CLDN11: variants seen among roughly 807,000 people sequenced by gnomAD.
CLDN11 encodes the protein claudin 11.
Under a neutral mutation model 18.0 loss-of-function variants are expected in CLDN11, and 1 was observed. That is an observed-to-expected ratio of 0.06 (90% CI 0.02 to 0.26). The LOEUF (loss-of-function observed/expected upper bound fraction) is 0.26, where lower values mean the gene tolerates loss of function less well. Ranked by LOEUF, CLDN11 falls within the 10% of genes least tolerant of loss-of-function variation. The pLI is 1.00. For synonymous variants in CLDN11, 116 were observed against 121.5 expected (o/e 0.96, Z 0.30); for missense variants, 172 against 276.6 (o/e 0.62, Z 2.68).
chr3:170,419,234 C>A lies in CLDN11; in HGVS notation c.168C>A (p.Cys56Ter). The change falls in exon 1 of 3, where the codon TGC becomes TGA. Residue 56 changes from cysteine to a stop codon, truncating the protein, a stop_gained. Coordinates refer to ENST00000064724, the MANE Select transcript of CLDN11 (RefSeq NM_005602.6). LOFTEE classifies it high-confidence loss of function. This position sits in a 1 kb window ranked among gnomAD's most constrained non-coding sequence, Gnocchi z 8.6. The part of the protein sequence containing the change: ...ELGSKGLWAD[C>*]VMATGLYHCK... ...GCTCCAAGGGGCTGTGGGCCGACTG[C>A]GTCATGGCCACGGGGCTGTACCACT... 6.3e-7 allele frequency: 1 copy of A among 1,576,404 alleles called. No individual in the cohort carries two copies.
intron 2 of CLDN11, among the ~76,000 whole-genome samples, chr3:170,426,284 T>G (rs893571377): frequency 3.3e-5 from 5 of 152,248 alleles, no homozygotes; most frequent in African/African-American, 1.2e-4. Flanking sequence ...CAACTTTATC[T>G]TCTCAGCAGT....
chr3:170,420,836 G>A (rs917630119), intron 1 of CLDN11, among the ~76,000 whole-genome samples: 1 of 152,060 alleles, frequency 6.6e-6, no homozygotes, highest in Admixed American at 6.6e-5. Context: ...GGGTGAGGGG[G>A]GACAAATTGC....
At chr3:170,426,990 C>G (rs964346065) in intron 2 of CLDN11, among the ~76,000 whole-genome samples, 2 of 152,118 alleles carry the variant, frequency 1.3e-5, no homozygotes, top group African/African-American at 4.8e-5. Context: ...CCATATTGGG[C>G]AGGCTGGTCT....
At chr3:170,423,364 G>A (rs766326649) in intron 2 of CLDN11, 37 bp downstream of exon 2, 2 of 1,598,424 alleles carry the variant, frequency 1.3e-6, no homozygotes, top group South Asian at 1.1e-5. Context: ...TACCTATGAG[G>A]GAGCCTGATG....
At chr3:170,426,599 T>C (rs1281668103) in intron 2 of CLDN11, among the ~76,000 whole-genome samples, 1 of 152,190 alleles carries the variant, frequency 6.6e-6, no homozygotes, top group African/African-American at 2.4e-5. Flanking sequence ...ATGGGAACAA[T>C]AACGCCTGCT....
At position 170,419,691 on chromosome 3, in the gene CLDN11, C is replaced by T. The variant is rs578134710; in HGVS notation, c.226+399C>T. Among the ~76,000 whole-genome samples, 2 of 152,336 alleles carry T rather than the reference C, an allele frequency of 1.3e-5. No homozygotes were observed. The highest frequency in any genetic ancestry group is 4.1e-4 in the South Asian group (2 of 4,830). On this transcript the variant is annotated intron_variant, in intron 1 of 2. Transcript: ENST00000064724. This position sits in a 1 kb window ranked among gnomAD's most constrained non-coding sequence, Gnocchi z 8.6. ...GGGCGCCGAGCCTTCGCGTTAGGTT[C>T]CGCCCGCAGAGGTGAGAAGGAGCGT... is the stretch of plus-strand genomic sequence containing the variant.
chr3:170,425,765 C>T (rs555747785), intron 2 of CLDN11, among the ~76,000 whole-genome samples: 27 of 152,266 alleles, frequency 1.8e-4, no homozygotes, highest in African/African-American at 6.0e-4. Flanking sequence ...CTTGCATTTC[C>T]GATATTGTCT....
rs564253337 is a variant in CLDN11 at position 170,432,533 on chromosome 3, C to T, written c.401C>T (p.Ala134Val). The change falls in exon 3 of 3, where the codon GCC becomes GTC. Residue 134 changes from alanine to valine, a missense_variant. Ala to Val is a moderately conservative substitution (Grantham distance 64). Transcript: ENST00000064724. Reference protein sequence around the residue: ...GVLLILLALCALVATIWFPVC... With the variant: ...GVLLILLALCVLVATIWFPVC... ...CTCCATGTCTCTCCAGCTCTCTGCG[C>T]CCTTGTTGCCACCATCTGGTTCCCT... The T allele has an allele frequency of 1.2e-6, 2 of 1,612,876 alleles. No homozygotes were observed. The highest frequency in any genetic ancestry group is 1.3e-5 in the African/African-American group (1 of 75,028).
At chr3:170,427,076 A>C (rs1461883151) in intron 2 of CLDN11, among the ~76,000 whole-genome samples, 1 of 152,140 alleles carries the variant, frequency 6.6e-6, no homozygotes, top group African/African-American at 2.4e-5. Flanking sequence ...AAAATATCAG[A>C]CCTATATAAA....
intron 2 of CLDN11, among the ~76,000 whole-genome samples, chr3:170,425,045 C>T (rs1249870739): frequency 6.6e-6 from 1 of 152,114 alleles, no homozygotes; most frequent in African/African-American, 2.4e-5. Context: ...TGTGTGCCAG[C>T]GTCACACGGA....
Position 170,419,985 on chromosome 3 carries a change from C to T in CLDN11, c.226+693C>T, listed in dbSNP as rs1383032854. 6.6e-6 allele frequency among the ~76,000 whole-genome samples: 1 copy of T among 152,248 alleles called. No individual in the cohort carries two copies. The highest frequency in any genetic ancestry group is 1.5e-5 in the Non-Finnish European group (1 of 68,036). Reference sequence around the variant, plus strand: ...TGCGGGGCTGCGGTGACGCCGGCTCCCGCTCCGCGCCGCTGGGTTGGATAG... The same window carrying T: ...TGCGGGGCTGCGGTGACGCCGGCTCTCGCTCCGCGCCGCTGGGTTGGATAG... On this transcript the variant is annotated intron_variant, in intron 1 of 2. Transcript: ENST00000064724. This position sits in a 1 kb window ranked among gnomAD's most constrained non-coding sequence, Gnocchi z 8.6.
intron 2 of CLDN11, among the ~76,000 whole-genome samples, chr3:170,428,739 TA>T (rs1213823273): frequency 4.6e-5 from 7 of 152,268 alleles, no homozygotes; most frequent in Admixed American, 6.5e-5. Context: ...CTTCTGAAGG[TA>T]AAAAAGGAGA....
At chr3:170,431,628 C>T (rs1275485947) in intron 2 of CLDN11, among the ~76,000 whole-genome samples, 2 of 152,178 alleles carry the variant, frequency 1.3e-5, no homozygotes, top group Non-Finnish European at 2.9e-5. Flanking sequence ...TCTTTATAGC[C>T]TCTTGCCTGC....
At position 170,433,401 on chromosome 3, in the gene CLDN11, A is replaced by G. The variant is rs1174177502; in HGVS notation, c.*645A>G. 2 of 152,104 alleles carry G rather than the reference A, an allele frequency of 1.3e-5. No homozygotes were observed. The highest frequency in any genetic ancestry group is 2.9e-5 in the Non-Finnish European group (2 of 68,090). 9.4% of individuals were successfully genotyped at this position (152,104 alleles called of 1,614,324 possible). A position where few individuals can be genotyped will look rare whatever the true frequency, so the allele number is the denominator to read the frequency against. Reference sequence around the variant, plus strand: ...AAGTATCCTCCCGCCTCGGCCTCCCAAAGTGTTGGGATTATAGGAGTGAGC... The same window carrying G: ...AAGTATCCTCCCGCCTCGGCCTCCCGAAGTGTTGGGATTATAGGAGTGAGC... On this transcript the variant is annotated 3_prime_UTR_variant, in exon 3 of 3. Coordinates refer to ENST00000064724, the MANE Select transcript of CLDN11 (RefSeq NM_005602.6).
intron 1 of CLDN11, among the ~76,000 whole-genome samples, chr3:170,421,959 C>G (rs1738735208): frequency 6.6e-6 from 1 of 152,220 alleles, no homozygotes; most frequent in Admixed American, 6.5e-5. Flanking sequence ...GTTGTGGGCA[C>G]TGTGTTAACT....
chr3:170,432,340 C>T (rs1443819144), intron 2 of CLDN11, among the ~76,000 whole-genome samples, 184 bp from the exon 3 acceptor site: 1 of 152,178 alleles, frequency 6.6e-6, no homozygotes, highest in Non-Finnish European at 1.5e-5. Flanking sequence ...ACCCAGCAGT[C>T]TACTTCTTCT....
At chr3:170,426,533 C>G (rs1350847780) in intron 2 of CLDN11, among the ~76,000 whole-genome samples, 1 of 152,202 alleles carries the variant, frequency 6.6e-6, no homozygotes, top group Admixed American at 6.5e-5. Flanking sequence ...GAACCTACTA[C>G]TTTCTAGCTG....
At chr3:170,420,181 C>T (rs534286487) in intron 1 of CLDN11, among the ~76,000 whole-genome samples, 10 of 152,354 alleles carry the variant, frequency 6.6e-5, no homozygotes, top group African/African-American at 2.2e-4. Flanking sequence ...CCTGTGGAAA[C>T]ATTTTGGGCG....
At chr3:170,421,896 T>G (rs1560233462) in intron 1 of CLDN11, among the ~76,000 whole-genome samples, 1 of 152,272 alleles carries the variant, frequency 6.6e-6, no homozygotes, top group Non-Finnish European at 1.5e-5. Flanking sequence ...TTTGCTCTAC[T>G]CTTCTATTTT....
Sources: allele counts gnomAD v4.1 joint callset (sites outside exome capture counted in the v4.1 genomes callset), GRCh38; gene constraint gnomAD v4.1.1; non-coding constraint Gnocchi (gnomAD v3.1); transcripts MANE v1.5; gene names NCBI Gene and HGNC (gene_info 2026-07-23, HGNC 2026-07-21).